PANX1: variants seen among roughly 807,000 people sequenced by gnomAD.
PANX1 encodes pannexin 1, also known as pannexin-1.
A neutral mutation model predicts 38.7 loss-of-function variants in PANX1; 30 were observed. That is an observed-to-expected ratio of 0.78 (90% CI 0.58 to 1.05). The LOEUF (loss-of-function observed/expected upper bound fraction) is 1.05. Among genes scored for constraint, PANX1 ranks in the 50% least tolerant of loss-of-function variants. The probability of loss-of-function intolerance (pLI) is 0.00; values close to 1 mark genes in which losing one functional copy is unlikely to be tolerated. For synonymous variants in PANX1, 230 were observed against 212.2 expected, an observed-to-expected ratio of 1.08 and a Z score of -0.73; for missense variants, 551 against 517.2, an observed-to-expected ratio of 1.07 and a Z score of -0.63.
chr11:94,142,461 A>T (rs1187002322), intron 1 of PANX1, among the ~76,000 whole-genome samples: 1 of 151,982 alleles, frequency 6.6e-6, no homozygotes, highest in African/African-American at 2.4e-5. Context: ...CCCCAGCTTG[A>T]CTGTGTGCTC....
At chr11:94,142,453 C>G (rs949020268) in intron 1 of PANX1, among the ~76,000 whole-genome samples, 3 of 152,170 alleles carry the variant, frequency 2.0e-5, no homozygotes, top group Admixed American at 6.5e-5. Context: ...TTATCTGACC[C>G]CAGCTTGACT....
intron 2 of PANX1, among the ~76,000 whole-genome samples, chr11:94,166,307 G>A (rs1947100799): frequency 6.6e-6 from 1 of 152,160 alleles, no homozygotes; most frequent in African/African-American, 2.4e-5. Context: ...CTTTCAGACT[G>A]AAGAACTCCT....
intron 2 of PANX1, among the ~76,000 whole-genome samples, chr11:94,170,974 TA>T (rs1244301816): frequency 6.6e-6 from 1 of 151,740 alleles, no homozygotes; most frequent in Non-Finnish European, 1.5e-5. Context: ...CTGTATTTCT[TA>T]CCTTGCTACT....
rs370215561 is a variant in PANX1 at position 94,140,675 on chromosome 11, C to T, written c.181+11182C>T. The stretch of plus-strand genomic sequence containing the variant: ...GCTTCTTTGTGCAGAATGTGTTTCT[C>T]TAGAGCCGTGGTTCTCAAACATTTT... On this transcript the variant is annotated intron_variant, in intron 1 of 4. Transcript: ENST00000227638. Among the ~76,000 whole-genome samples, 12 of 152,280 alleles carry T rather than the reference C, an allele frequency of 7.9e-5. No homozygotes were observed. In the East Asian group the frequency reaches 2.3e-3, roughly 29 times the overall value.
At chr11:94,166,386 C>A (rs140834839) in intron 2 of PANX1, among the ~76,000 whole-genome samples, 1 of 152,144 alleles carries the variant, frequency 6.6e-6, no homozygotes, top group African/African-American at 2.4e-5. Flanking sequence ...CTGGGAAAGT[C>A]TTTATTTCAC....
chr11:94,144,906 G>GGTA (rs1281119263), intron 1 of PANX1, among the ~76,000 whole-genome samples: 18 of 152,064 alleles, frequency 1.2e-4, no homozygotes, highest in African/African-American at 4.3e-4. Flanking sequence ...TAGCTCACAG[G>GGTA]TTTCTTTTAC....
intron 2 of PANX1, among the ~76,000 whole-genome samples, chr11:94,167,361 T>C (rs1023959831): frequency 2.0e-5 from 3 of 152,160 alleles, no homozygotes; most frequent in Admixed American, 6.5e-5. Context: ...GGTGCTTTCT[T>C]GCATGGATAC....
At chr11:94,148,845 A>G (rs982188833) in intron 1 of PANX1, among the ~76,000 whole-genome samples, 2 of 152,160 alleles carry the variant, frequency 1.3e-5, no homozygotes, top group East Asian at 3.9e-4. Flanking sequence ...GAACAACCCC[A>G]GGATTTTCTC....
intron 2 of PANX1, among the ~76,000 whole-genome samples, chr11:94,154,783 AC>A (rs766557836): frequency 1.3e-5 from 2 of 152,244 alleles, no homozygotes; most frequent in Non-Finnish European, 2.9e-5. Context: ...TGGAAGCCTT[AC>A]CAATAACATA....
chr11:94,175,988 C>G (rs1456150562), intron 2 of PANX1: 4 of 628,528 alleles, frequency 6.4e-6, no homozygotes, highest in Non-Finnish European at 7.9e-6. Context: ...TGACAGGAGG[C>G]CTGCAAACTA....
At chr11:94,130,677 TGGG>T in intron 1 of PANX1, among the ~76,000 whole-genome samples, 1 of 152,002 alleles carries the variant, frequency 6.6e-6, no homozygotes, top group Non-Finnish European at 1.5e-5. Flanking sequence ...AGAAAATGGG[TGGG>T]TGATTGCTGT....
At position 94,159,312 on chromosome 11, in the gene PANX1, G is replaced by C. The variant is rs548489896; in HGVS notation, c.321+5682G>C. Reference sequence around the variant, plus strand: ...CCCTCTTTTTCTATTGATTGGAATAGTTTCAGAAGGAATGGTAACAGCTCC... The same window carrying C: ...CCCTCTTTTTCTATTGATTGGAATACTTTCAGAAGGAATGGTAACAGCTCC... On this transcript the variant is annotated intron_variant, in intron 2 of 4. Coordinates refer to ENST00000227638, the MANE Select transcript of PANX1 (RefSeq NM_015368.4). Among the ~76,000 whole-genome samples, 223 of 152,238 alleles carry C rather than the reference G, an allele frequency of 1.5e-3. 1 individual carries two copies. Among genetic ancestry groups the C allele is most frequent in the African/African-American group, 5.1e-3 (213 of 41,536 alleles).
At chr11:94,152,339 T>A (rs764103428) in intron 1 of PANX1, among the ~76,000 whole-genome samples, 1 of 152,236 alleles carries the variant, frequency 6.6e-6, no homozygotes, top group Non-Finnish European at 1.5e-5. Flanking sequence ...ACTATTAATG[T>A]CATTCCTATT....
intron 2 of PANX1, among the ~76,000 whole-genome samples, chr11:94,167,661 C>T (rs1947118538): frequency 6.6e-6 from 1 of 152,140 alleles, no homozygotes; most frequent in South Asian, 2.1e-4. Context: ...AGATTTTTTA[C>T]GTAGAACTGA....
chr11:94,176,898 G>A (rs1285839565), intron 2 of PANX1, among the ~76,000 whole-genome samples: 7 of 151,662 alleles, frequency 4.6e-5, no homozygotes, highest in Non-Finnish European at 1.0e-4. Flanking sequence ...TTGCAGAATG[G>A]AGCCATCTAT....
intron 2 of PANX1, among the ~76,000 whole-genome samples, chr11:94,156,939 G>A (rs1397319258): frequency 3.3e-5 from 5 of 150,994 alleles, no homozygotes; most frequent in South Asian, 4.2e-4. Context: ...ATGTGTTGTC[G>A]TTGTTCAATT....
rs557084118 is a variant in PANX1, at chr11:94,173,719, G to C, written c.322-4650G>C. The stretch of plus-strand genomic sequence containing the variant: ...CCTGCCTGGTCTCTCTCCTTCCCAT[G>C]TGTTTCTTCTTTGCCTCTGTAGTGG... On this transcript the variant is annotated intron_variant, in intron 2 of 4. Coordinates refer to ENST00000227638, the MANE Select transcript of PANX1 (RefSeq NM_015368.4). Among the ~76,000 whole-genome samples the C allele has an allele frequency of 3.6e-4, 54 of 151,642 alleles. 1 individual carries two copies. In the South Asian group the frequency reaches 0.01, roughly 29 times the overall value.
intron 2 of PANX1, among the ~76,000 whole-genome samples, chr11:94,168,033 G>A (rs1947121936): frequency 1.3e-5 from 2 of 152,200 alleles, no homozygotes; most frequent in South Asian, 2.1e-4. Flanking sequence ...TGGAGAAGTG[G>A]GAGGCAGATG....
At chr11:94,161,925 T>G (rs993672005) in intron 2 of PANX1, among the ~76,000 whole-genome samples, 12 of 152,204 alleles carry the variant, frequency 7.9e-5, no homozygotes, top group Non-Finnish European at 1.8e-4. Flanking sequence ...CTTTGTTAGT[T>G]TTCCTTCTAA....
Sources: gnomAD v4.1 joint callset for allele counts (sites outside exome capture counted in the v4.1 genomes callset) on GRCh38, gnomAD v4.1.1 for gene constraint, MANE v1.5 for transcripts, NCBI Gene and HGNC (gene_info 2026-07-23, HGNC 2026-07-21) for gene names.